PPFIBP1: variants seen among roughly 807,000 people sequenced by gnomAD.
PPFIBP1 encodes the protein PPFIB scaffold protein 1.
In PPFIBP1, 112 loss-of-function variants were observed where a neutral mutation model predicts 137.8. That is an observed-to-expected ratio of 0.81 (90% confidence interval 0.70 to 0.95). PPFIBP1 has a LOEUF of 0.95. PPFIBP1 is among the 40% of genes least tolerant of loss of function. PPFIBP1 has a pLI of 0.00. For synonymous variants in PPFIBP1, 378 were observed against 417.3 expected, an observed-to-expected ratio of 0.91 and a Z score of 1.15; for missense variants, 1,083 against 1,196.6, an observed-to-expected ratio of 0.91 and a Z score of 1.40.
chr12:27,553,004 C>T (rs976476669), intron 1 of PPFIBP1, among the ~76,000 whole-genome samples: 1 of 151,884 alleles, frequency 6.6e-6, no homozygotes, highest in African/African-American at 2.4e-5. Flanking sequence ...GCTAAACTGA[C>T]TTAGCAGGGT....
intron 2 of PPFIBP1, among the ~76,000 whole-genome samples, chr12:27,625,143 GGAGGCTGA>G (rs1259068105): frequency 1.3e-5 from 2 of 152,060 alleles, no homozygotes; most frequent in Non-Finnish European, 2.9e-5. Context: ...CAGCTACTAG[GGAGGCTGA>G]GATGGGGGGA....
chr12:27,559,989 T>G (rs534981096), intron 1 of PPFIBP1, among the ~76,000 whole-genome samples: 25 of 152,376 alleles, frequency 1.6e-4, no homozygotes, highest in African/African-American at 5.8e-4. Context: ...GGACTGAGGC[T>G]TTCTTTAATG....
chr12:27,585,362 C>T (rs1163819010), intron 2 of PPFIBP1, among the ~76,000 whole-genome samples: 1 of 152,180 alleles, frequency 6.6e-6, no homozygotes, highest in African/African-American at 2.4e-5. Flanking sequence ...GAAACATCTA[C>T]GCTGCGCTGT....
At chr12:27,662,934 A>G (rs1460669502) in intron 11 of PPFIBP1, among the ~76,000 whole-genome samples, 2 of 152,136 alleles carry the variant, frequency 1.3e-5, no homozygotes, top group Non-Finnish European at 2.9e-5. Context: ...CACATTTATT[A>G]TTTCTCATAC....
intron 27 of PPFIBP1, 33 bp downstream of exon 27, chr12:27,689,236 T>C: frequency 2.7e-6 from 4 of 1,505,084 alleles, no homozygotes; most frequent in Non-Finnish European, 3.5e-6. Context: ...TAATAATTGC[T>C]TGGCGCAAAG....
rs547753717 is a variant in PPFIBP1, at chr12:27,583,083, C to T, written c.-36+4844C>T. 2.6e-5 allele frequency among the ~76,000 whole-genome samples: 4 copies of T among 152,282 alleles called. No homozygotes were observed. In the South Asian group the frequency reaches 6.2e-4, roughly 24 times the overall value. ...AAAGGTCATCAGCTGTCTTTCTGGG[C>T]TATTCTGGGCATTTTGTACTCTATT... On this transcript the variant is annotated intron_variant, in intron 2 of 29. Transcript: ENST00000228425.
At chr12:27,566,486 T>C (rs943572159) in intron 1 of PPFIBP1, among the ~76,000 whole-genome samples, 1 of 152,176 alleles carries the variant, frequency 6.6e-6, no homozygotes, top group African/African-American at 2.4e-5. Context: ...CAAAAGCCTT[T>C]AGGATAAAAC....
intron 2 of PPFIBP1, among the ~76,000 whole-genome samples, chr12:27,621,249 CTG>C (rs1347313146): frequency 6.6e-6 from 1 of 152,248 alleles, no homozygotes; most frequent in East Asian, 1.9e-4. Context: ...ATGAATGTGA[CTG>C]TGTTCCAAAG....
intron 1 of PPFIBP1, among the ~76,000 whole-genome samples, chr12:27,566,614 G>A (rs1022890495): frequency 4.6e-5 from 7 of 152,178 alleles, no homozygotes; most frequent in African/African-American, 9.7e-5. Context: ...TACTAAAAAT[G>A]GATAATAATG....
intron 1 of PPFIBP1, among the ~76,000 whole-genome samples, chr12:27,531,419 G>C (rs758127486): frequency 1.4e-4 from 21 of 151,860 alleles, no homozygotes; most frequent in Non-Finnish European, 2.8e-4. Context: ...CAGCCTCCCA[G>C]GGAGCTGGGA....
At chr12:27,558,988 T>C (rs1332818782) in intron 1 of PPFIBP1, among the ~76,000 whole-genome samples, 1 of 152,046 alleles carries the variant, frequency 6.6e-6, no homozygotes, top group Non-Finnish European at 1.5e-5. Flanking sequence ...CCAACTCTAA[T>C]AGGTGGGACT....
chr12:27,668,308 T>A (rs933370992), intron 13 of PPFIBP1, among the ~76,000 whole-genome samples: 2 of 152,134 alleles, frequency 1.3e-5, no homozygotes, highest in African/African-American at 4.8e-5. Context: ...AGCTGTGGAT[T>A]TCAAGGACAG....
Position 27,594,011 on chromosome 12 carries a change from A to G in PPFIBP1, c.-36+15772A>G, listed in dbSNP as rs553403037. 5.6e-4 allele frequency: 751 copies of G among 1,345,480 alleles called. 15 individuals are homozygous for G. The South Asian group carries it at 0.018, about 32-fold the overall frequency. 83.3% of individuals were successfully genotyped at this position (1,345,480 alleles called of 1,614,324 possible). Reference sequence around the variant, plus strand: ...ATTGGATTTGGAGCTGTCGTCCTCTATGTCGCTGTTAGAGGATGAATATGC... The same window carrying G: ...ATTGGATTTGGAGCTGTCGTCCTCTGTGTCGCTGTTAGAGGATGAATATGC... On this transcript the variant is annotated intron_variant, in intron 2 of 29. Coordinates refer to ENST00000228425, the MANE Select transcript of PPFIBP1 (RefSeq NM_003622.4).
At chr12:27,612,331 T>G (rs1326460415) in intron 2 of PPFIBP1, among the ~76,000 whole-genome samples, 2 of 136,976 alleles carry the variant, frequency 1.5e-5, no homozygotes, top group Admixed American at 7.2e-5. Flanking sequence ...TATTGGTGTT[T>G]TTTTTTTTTT....
chr12:27,573,915 G>A (rs891442180), intron 1 of PPFIBP1, among the ~76,000 whole-genome samples: 5 of 151,666 alleles, frequency 3.3e-5, no homozygotes, highest in African/African-American at 9.7e-5. Context: ...CCAGGCTTTC[G>A]AGGCTGTAGT....
At chr12:27,679,410 A>C in intron 19 of PPFIBP1, 79 bp from the exon 20 acceptor site, 1 of 1,363,268 alleles carries the variant, frequency 7.3e-7, no homozygotes, top group South Asian at 1.4e-5. Flanking sequence ...AATTCTTAAC[A>C]GTTCTAGAAC....
In PPFIBP1 at chr12:27,693,830, C is replaced by T. The variant is rs913233712; in HGVS notation, c.*948C>T. On this transcript the variant is annotated 3_prime_UTR_variant, in exon 30 of 30. Transcript: ENST00000228425. ...TAGGTGGGACTCCAGGCATGCACCA[C>T]CATGCCTGGCTAATTTTTGCATTTT... The T allele has an allele frequency of 2.0e-5, 3 of 152,150 alleles. No homozygotes were observed. The highest frequency in any genetic ancestry group is 7.2e-5 in the African/African-American group (3 of 41,432). The allele number at this position is 152,150 out of a possible 1,614,324, so 9.4% of individuals were successfully genotyped here.
intron 10 of PPFIBP1, among the ~76,000 whole-genome samples, chr12:27,659,460 A>T (rs1055702089): frequency 2.3e-4 from 35 of 151,634 alleles, no homozygotes; most frequent in Admixed American, 5.3e-4. Flanking sequence ...AAAAAAATTT[A>T]AAATTAGCTG....
At chr12:27,540,544 G>A (rs1197249532) in intron 1 of PPFIBP1, among the ~76,000 whole-genome samples, 1 of 150,640 alleles carries the variant, frequency 6.6e-6, no homozygotes, top group Non-Finnish European at 1.5e-5. Context: ...TTTCAATTTT[G>A]ACGAGCATTT....
Sources: gnomAD v4.1 joint callset for allele counts (sites outside exome capture counted in the v4.1 genomes callset) on GRCh38, gnomAD v4.1.1 for gene constraint, MANE v1.5 for transcripts, NCBI Gene and HGNC (gene_info 2026-07-23, HGNC 2026-07-21) for gene names.